Variants in LARGE1 observed in about 807,000 individuals in gnomAD.
The protein encoded by LARGE1 is LARGE xylosyl- and glucuronyltransferase 1.
LARGE1 carries 43 observed loss-of-function variants against 87.6 expected under a neutral mutation model. The observed-to-expected ratio is 0.49, with a 90% CI of 0.38 to 0.63. The LOEUF is 0.63. Among genes scored for constraint, LARGE1 ranks in the 30% least tolerant of loss-of-function variants. The pLI is 0.00. For missense variants in LARGE1, 802 were observed against 1,000.2 expected (o/e 0.80, Z 2.67); for synonymous variants, 434 against 394.6 (o/e 1.10, Z -1.18).
intron 2 of LARGE1, among the ~76,000 whole-genome samples, chr22:33,697,201 A>G (rs941611074): frequency 3.3e-5 from 5 of 152,138 alleles, no homozygotes; most frequent in African/African-American, 1.2e-4. Context: ...CTGTCGTTAG[A>G]GCTCTGAGTC....
intron 1 of LARGE1, among the ~76,000 whole-genome samples, chr22:33,793,377 T>C (rs2085883110): frequency 6.6e-6 from 1 of 152,146 alleles, no homozygotes; most frequent in Admixed American, 6.5e-5. Context: ...CCACCTGGCA[T>C]ACATAATGCC....
chr22:33,406,238 AC>A (rs1269715713), intron 7 of LARGE1, among the ~76,000 whole-genome samples: 1 of 151,874 alleles, frequency 6.6e-6, no homozygotes, highest in Non-Finnish European at 1.5e-5. Context: ...GTATACCCAG[AC>A]TTGCCTGGCC....
rs2064319359 is a variant in LARGE1 at position 33,359,835 on chromosome 22, A to T, written c.1132-22034T>A. ...CGCCTCGGCCTCCCAAAGTGCTGGG[A>T]TCACAGGCGTGAGCCACCGCACCCA... is the stretch of plus-strand genomic sequence containing the variant. On this transcript the variant is annotated intron_variant, in intron 9 of 14. Transcript: ENST00000397394. Among the ~76,000 whole-genome samples, 2 of 149,330 alleles carry T rather than the reference A, an allele frequency of 1.3e-5. 1 individual carries two copies. The highest frequency in any genetic ancestry group is 3.0e-5 in the Non-Finnish European group (2 of 67,060).
chr22:33,894,236 T>C (rs1249912111), intron 1 of LARGE1, among the ~76,000 whole-genome samples: 1 of 152,186 alleles, frequency 6.6e-6, no homozygotes, highest in African/African-American at 2.4e-5. Flanking sequence ...AAATCTTGGC[T>C]GCCTATGCAG....
chr22:33,377,278 C>A (rs1057461402), intron 9 of LARGE1, among the ~76,000 whole-genome samples: 6 of 152,172 alleles, frequency 3.9e-5, no homozygotes, highest in African/African-American at 1.4e-4. Flanking sequence ...TTTACACACA[C>A]AAAATAAAAA....
At chr22:33,892,397 C>A (rs1209036973) in intron 1 of LARGE1, among the ~76,000 whole-genome samples, 1 of 152,150 alleles carries the variant, frequency 6.6e-6, no homozygotes, top group East Asian at 1.9e-4. Context: ...CAGAAATGCT[C>A]AAGATCTTTT....
rs529657708 is a variant in LARGE1, at chr22:33,241,233, A to G, written c.1730+62996T>C. Among the ~76,000 whole-genome samples, 10 of 152,162 alleles carry G rather than the reference A, an allele frequency of 6.6e-5. No homozygotes were observed. In the South Asian group the frequency reaches 1.7e-3, roughly 25 times the overall value. Reference sequence around the variant, plus strand: ...GACATATGCTCTCTCTCTCTCTCACATCTGGACCTGAGCACATCCTGTTAC... The same window carrying G: ...GACATATGCTCTCTCTCTCTCTCACGTCTGGACCTGAGCACATCCTGTTAC... On this transcript the variant is annotated intron_variant, in intron 11 of 11. Coordinates refer to the LARGE1 transcript ENST00000608642.
chr22:33,137,974 G>A, the LARGE1 span, among the ~76,000 whole-genome samples: 1 of 152,228 alleles, frequency 6.6e-6, no homozygotes, highest in Non-Finnish European at 1.5e-5. Flanking sequence ...AGAGTCCCCA[G>A]TGGGGCTCCA....
chr22:33,916,731 G>A (rs1013915172), intron 1 of LARGE1, among the ~76,000 whole-genome samples: 5 of 152,098 alleles, frequency 3.3e-5, no homozygotes, highest in South Asian at 2.1e-4. Flanking sequence ...TCTTGTTCAC[G>A]GACCGTAAGG....
At chr22:33,785,024 T>TGTGTAC (rs1247725304) in intron 1 of LARGE1, among the ~76,000 whole-genome samples, 1 of 150,490 alleles carries the variant, frequency 6.6e-6, no homozygotes, top group African/African-American at 2.5e-5. Context: ...TACATACATA[T>TGTGTAC]GTGTATATAC....
At chr22:33,470,868 G>A (rs2267215) in intron 6 of LARGE1, among the ~76,000 whole-genome samples, 27,826 of 152,108 alleles carry the variant, frequency 0.18, 2,703 homozygotes, top group East Asian at 0.28. Context: ...ATTTTACAGC[G>A]TGGGACCTTA....
intron 2 of LARGE1, among the ~76,000 whole-genome samples, chr22:33,654,290 C>T (rs918289232): frequency 5.9e-5 from 9 of 151,854 alleles, no homozygotes; most frequent in East Asian, 1.9e-4. Context: ...TTGTCCTTTC[C>T]GGTTTGTTGG....
the LARGE1 span, among the ~76,000 whole-genome samples, chr22:33,122,374 T>G: frequency 6.6e-6 from 1 of 150,950 alleles, no homozygotes; most frequent in Non-Finnish European, 1.5e-5. Flanking sequence ...TTTTTTTTTT[T>G]TGAGACTGAG....
At chr22:33,692,838 A>G (rs1237078525) in intron 2 of LARGE1, among the ~76,000 whole-genome samples, 1 of 152,210 alleles carries the variant, frequency 6.6e-6, no homozygotes, top group African/African-American at 2.4e-5. Context: ...TATGAAGTTT[A>G]GGTATTAAAG....
intron 1 of LARGE1, among the ~76,000 whole-genome samples, chr22:33,857,287 G>A (rs2063783011): frequency 6.6e-6 from 1 of 152,310 alleles, no homozygotes; most frequent in African/African-American, 2.4e-5. Flanking sequence ...TAAGCTGGAA[G>A]CCAAAAGGAA....
chr22:33,888,934 G>T (rs957469907), intron 1 of LARGE1, among the ~76,000 whole-genome samples: 1 of 152,186 alleles, frequency 6.6e-6, no homozygotes, highest in Non-Finnish European at 1.5e-5. Context: ...CTTTAGAGAT[G>T]AAGAGACTGG....
chr22:33,710,266 A>C (rs1027744893), intron 2 of LARGE1, among the ~76,000 whole-genome samples: 7 of 152,226 alleles, frequency 4.6e-5, no homozygotes, highest in African/African-American at 2.4e-5. Flanking sequence ...CCTTTGAGGA[A>C]TAAGCAGTCT....
Position 33,502,592 on chromosome 22 carries a change from A to G in LARGE1, c.787+62256T>C, listed in dbSNP as rs556022560. Among the ~76,000 whole-genome samples, 295 of 152,066 alleles carry G rather than the reference A, an allele frequency of 1.9e-3. 2 individuals carry two copies. Among genetic ancestry groups the G allele is most frequent in the Non-Finnish European group, 3.0e-3 (202 of 67,974 alleles). On this transcript the variant is annotated intron_variant, in intron 6 of 14. Transcript: ENST00000397394. The stretch of plus-strand genomic sequence containing the variant: ...CTGCCACGTGCTTTTTTTTTGAGAC[A>G]GAGTCTGGCTCTGCCACCCAGGCTG...
intron 11 of LARGE1, among the ~76,000 whole-genome samples, chr22:33,196,975 G>T (rs1046770742): frequency 6.6e-6 from 1 of 152,056 alleles, no homozygotes; most frequent in African/African-American, 2.4e-5. Flanking sequence ...CCATGATGTG[G>T]TTTTCCCAGA....
Sources: gnomAD v4.1 joint callset for allele counts (sites outside exome capture counted in the v4.1 genomes callset) on GRCh38, gnomAD v4.1.1 for gene constraint, MANE v1.5 for transcripts, NCBI Gene and HGNC (gene_info 2026-07-23, HGNC 2026-07-21) for gene names.